The following PRKD3 variants were observed in gnomAD, a reference collection of about 807,000 sequenced individuals.
PRKD3 encodes serine/threonine-protein kinase D3.
In PRKD3, 47 loss-of-function variants were observed where a neutral mutation model predicts 99.2. The ratio of observed to expected loss-of-function variants is 0.47; its 90% CI spans 0.38 to 0.60. The LOEUF (loss-of-function observed/expected upper bound fraction) is 0.60. Among genes scored for constraint, PRKD3 ranks in the 20% least tolerant of loss-of-function variants. PRKD3 has a pLI of 0.00. For synonymous variants in PRKD3, 392 were observed against 355.4 expected (o/e 1.10, Z -1.16); for missense variants, 1,019 against 1,088.4 (o/e 0.94, Z 0.90).
In PRKD3 at chr2:37,289,353, T is replaced by A; in HGVS notation, c.717+3A>T. On this transcript the variant is annotated splice_donor_region_variant and intron_variant, in intron 5 of 18. Transcript: ENST00000234179. Reference sequence around the variant, plus strand: ...AAAATGTCTATTACCTTAGAATACGTACCTCTTCACTGGGAAGGGCTACAT... The same window carrying A: ...AAAATGTCTATTACCTTAGAATACGAACCTCTTCACTGGGAAGGGCTACAT... The A allele has an allele frequency of 1.2e-6, 2 of 1,613,814 alleles. No homozygotes were observed. The highest frequency in any genetic ancestry group is 1.7e-6 in the Non-Finnish European group (2 of 1,179,862).
chr2:37,262,664 G>A (rs965206592), intron 14 of PRKD3, among the ~76,000 whole-genome samples: 5 of 146,382 alleles, frequency 3.4e-5, no homozygotes, highest in Non-Finnish European at 7.4e-5. Context: ...GCCATAGTTG[G>A]CTGGCTCTAT....
In PRKD3 at chr2:37,251,366, T is replaced by TACTA. The variant is rs958190482; in HGVS notation, c.*1807_*1810dup. On this transcript the variant is annotated 3_prime_UTR_variant, in exon 19 of 19. Transcript: ENST00000234179. ...GAGCCATACTACTGGTCTCAAATACTACTAACTGTTTGAAATTTGGCAGTA... is the reference window on the plus strand; with the variant it reads ...GAGCCATACTACTGGTCTCAAATACTACTAACTAACTGTTTGAAATTTGGCAGTA... 5 of 152,606 alleles carry TACTA rather than the reference T, an allele frequency of 3.3e-5. No individual in the cohort carries two copies. The highest frequency in any genetic ancestry group is 1.2e-4 in the African/African-American group (5 of 41,448). 9.5% of individuals were successfully genotyped at this position (152,606 alleles called of 1,614,324 possible).
chr2:37,253,475 A>G lies in PRKD3; in HGVS notation c.2500-125T>C, dbSNP rs567321618. The G allele has an allele frequency of 3.2e-5, 23 of 723,466 alleles. 1 individual carries two copies. The highest frequency in any genetic ancestry group is 3.0e-4 in the African/African-American group (17 of 55,840). 44.8% of individuals were successfully genotyped at this position (723,466 alleles called of 1,614,324 possible). A position where few individuals can be genotyped will look rare whatever the true frequency, so the allele number is the denominator to read the frequency against. ...GTCAAATAATTGACAGGCGCTACTCATAAGTATCTACTATGTACTAAGTTC... is the reference window on the plus strand; with the variant it reads ...GTCAAATAATTGACAGGCGCTACTCGTAAGTATCTACTATGTACTAAGTTC... On this transcript the variant is annotated intron_variant, in intron 18 of 18. Coordinates refer to ENST00000234179, the MANE Select transcript of PRKD3 (RefSeq NM_005813.6).
intron 17 of PRKD3, among the ~76,000 whole-genome samples, 182 bp from the exon 18 acceptor site, chr2:37,254,471 T>C (rs1265837803): frequency 6.6e-6 from 1 of 152,202 alleles, no homozygotes; most frequent in Non-Finnish European, 1.5e-5. Flanking sequence ...TTTAAGTGTA[T>C]CTGTCAAATT....
chr2:37,288,543 T>C (rs933754925), intron 5 of PRKD3, among the ~76,000 whole-genome samples: 1 of 152,178 alleles, frequency 6.6e-6, no homozygotes. Context: ...GATTACAACC[T>C]ACAGATGGAA....
intron 1 of PRKD3, among the ~76,000 whole-genome samples, chr2:37,318,145 T>C (rs1164136563): frequency 1.3e-5 from 2 of 151,924 alleles, no homozygotes; most frequent in Non-Finnish European, 2.9e-5. Flanking sequence ...GAGTAGTTAA[T>C]GGGTTAAATT....
rs1317727895 is a variant in PRKD3, at chr2:37,270,353, A to G, written c.1705-666T>C. ...AGATTTGCTCTCATTGATTTTTGGA[A>G]AAAAAAAAAAAAAAACTCAAAAGTT... On this transcript the variant is annotated intron_variant, in intron 12 of 18. Transcript: ENST00000234179. Among the ~76,000 whole-genome samples the G allele has an allele frequency of 4.6e-3, 695 of 150,408 alleles. 2 individuals are homozygous for G. The highest frequency in any genetic ancestry group is 9.5e-3 in the African/African-American group (389 of 41,034).
Position 37,252,996 on chromosome 2 carries a change from T to C in PRKD3, c.*181A>G, listed in dbSNP as rs1026208728. ...TCACCTTGATTCCATTATGACTTCTTATTATTCAGTTTCCCGCCTGTACCT... is the reference window on the plus strand; with the variant it reads ...TCACCTTGATTCCATTATGACTTCTCATTATTCAGTTTCCCGCCTGTACCT... On this transcript the variant is annotated 3_prime_UTR_variant, in exon 19 of 19. Coordinates refer to ENST00000234179, the MANE Select transcript of PRKD3 (RefSeq NM_005813.6). The C allele has an allele frequency of 1.4e-5, 7 of 493,972 alleles. No homozygotes were observed. The highest frequency in any genetic ancestry group is 1.2e-4 in the African/African-American group (6 of 50,306). The allele number at this position is 493,972 out of a possible 1,614,324, so 30.6% of individuals were successfully genotyped here. A position where few individuals can be genotyped will look rare whatever the true frequency, so the allele number is the denominator to read the frequency against.
At position 37,289,503 on chromosome 2, in the gene PRKD3, T is replaced by C. The variant is rs747719233; in HGVS notation, c.570A>G (p.Leu190=). ...RQGLKCEGCG[L]NYHKRCAFKI... ...TGAAGGCACATCGTTTATGGTAATTTAATCCACAGCCTAAACATATTTTAC... is the reference window on the plus strand; with the variant it reads ...TGAAGGCACATCGTTTATGGTAATTCAATCCACAGCCTAAACATATTTTAC... The change falls in exon 5 of 19, where the codon TTA becomes TTG. Residue 190 remains leucine (L), a synonymous_variant. Transcript: ENST00000234179. 25 of 1,612,234 alleles carry C rather than the reference T, an allele frequency of 1.6e-5. No homozygotes were observed. The highest frequency in any genetic ancestry group is 2.1e-5 in the Non-Finnish European group (25 of 1,178,460).
At chr2:37,299,002 C>T (rs1670793910) in intron 2 of PRKD3, among the ~76,000 whole-genome samples, 1 of 148,148 alleles carries the variant, frequency 6.8e-6, no homozygotes, top group Non-Finnish European at 1.5e-5. Flanking sequence ...TGTCTTGTTT[C>T]AGATCTTAGA....
chr2:37,274,741 GTTTTTA>G, intron 10 of PRKD3, 44 bp from the exon 11 acceptor site: 1 of 1,543,040 alleles, frequency 6.5e-7, no homozygotes, highest in Non-Finnish European at 8.8e-7. Flanking sequence ...ATAGATCTTT[GTTTTTA>G]TTTTTAAATA....
chr2:37,274,150 C>A (rs1572646606), intron 11 of PRKD3, among the ~76,000 whole-genome samples: 1 of 152,156 alleles, frequency 6.6e-6, no homozygotes, highest in East Asian at 1.9e-4. Flanking sequence ...AGGTAAAGTA[C>A]TTGCCTGATC....
chr2:37,259,125 G>A (rs926647908), intron 16 of PRKD3, among the ~76,000 whole-genome samples: 2 of 152,100 alleles, frequency 1.3e-5, no homozygotes, highest in East Asian at 1.9e-4. Context: ...GAAGCACGAT[G>A]CCATTGTGTG....
chr2:37,255,196 A>G (rs900682325), intron 17 of PRKD3, among the ~76,000 whole-genome samples: 6 of 152,250 alleles, frequency 3.9e-5, no homozygotes, highest in Non-Finnish European at 8.8e-5. Context: ...AGCTTCTTCA[A>G]TTAGCTTTCT....
At chr2:37,304,453 A>G (rs1485708527) in intron 2 of PRKD3, among the ~76,000 whole-genome samples, 4 of 152,276 alleles carry the variant, frequency 2.6e-5, no homozygotes, top group East Asian at 1.9e-4. Flanking sequence ...ATGAAATATC[A>G]TAAGAGGCCA....
chr2:37,288,233 C>T (rs749008193), intron 5 of PRKD3, among the ~76,000 whole-genome samples: 6 of 152,158 alleles, frequency 3.9e-5, no homozygotes, highest in Non-Finnish European at 7.4e-5. Context: ...GTTCTCTGTG[C>T]AGTTCAGTGT....
At chr2:37,291,671 A>G (rs1045687160) in intron 3 of PRKD3, among the ~76,000 whole-genome samples, 69 of 152,348 alleles carry the variant, frequency 4.5e-4, no homozygotes, top group African/African-American at 1.6e-3. Flanking sequence ...GTTGTTGTAT[A>G]GAAGATGAAT....
intron 2 of PRKD3, among the ~76,000 whole-genome samples, chr2:37,303,663 C>G (rs1671037995): frequency 6.6e-6 from 1 of 152,050 alleles, no homozygotes; most frequent in African/African-American, 2.4e-5. Context: ...AACAGGGTAC[C>G]CCGTCCCAAG....
chr2:37,314,686 A>G (rs1232193200), intron 2 of PRKD3, among the ~76,000 whole-genome samples: 3 of 112,886 alleles, frequency 2.7e-5, no homozygotes, highest in Non-Finnish European at 6.1e-5. Context: ...TAAATCATAG[A>G]GAGTCATCAA....
Sources: gnomAD v4.1 joint callset for allele counts (sites outside exome capture counted in the v4.1 genomes callset) on GRCh38, gnomAD v4.1.1 for gene constraint, MANE v1.5 for transcripts, NCBI Gene and HGNC (gene_info 2026-07-23, HGNC 2026-07-21) for gene names.